The following TMEM272 variants were observed in gnomAD, a reference collection of about 807,000 sequenced individuals.
TMEM272 encodes the protein long intergenic non-protein coding RNA 282.
In TMEM272, 8 loss-of-function variants were observed where a neutral mutation model predicts 3.7. The observed-to-expected ratio is 2.17, with a 90% CI of 1.27 to 3.91. The LOEUF is 3.91. TMEM272 is among the 30% of genes most tolerant of loss of function. TMEM272 has a pLI of 0.00. For synonymous variants in TMEM272, 63 were observed against 39.8 expected, an observed-to-expected ratio of 1.58 and a Z score of -2.20; for missense variants, 166 against 91.5, an observed-to-expected ratio of 1.81 and a Z score of -3.32.
the TMEM272 span, among the ~76,000 whole-genome samples, chr13:51,852,192 C>T: frequency 5.9e-5 from 9 of 152,320 alleles, no homozygotes; most frequent in Non-Finnish European, 1.3e-4. Context: ...CCAGTTTGAT[C>T]GATGAGAAAT....
At chr13:51,883,923 T>G in the TMEM272 span, among the ~76,000 whole-genome samples, 4 of 152,174 alleles carry the variant, frequency 2.6e-5, no homozygotes, top group Admixed American at 6.5e-5. Flanking sequence ...CCAGCTTTCA[T>G]CCATTCTGCT....
chr13:51,828,702 A>C (rs1464692682), intron 2 of TMEM272, among the ~76,000 whole-genome samples: 1 of 152,202 alleles, frequency 6.6e-6, no homozygotes, highest in Non-Finnish European at 1.5e-5. Context: ...ATTGTAAGTG[A>C]AGTTGGACAG....
chr13:51,883,671 C>G, the TMEM272 span, among the ~76,000 whole-genome samples: 1 of 152,142 alleles, frequency 6.6e-6, no homozygotes, highest in Admixed American at 6.5e-5. Context: ...CTATCTGGGC[C>G]CGGCAGCTCG....
rs147445504 is a variant in TMEM272 at position 51,817,924 on chromosome 13, C to A, written c.202-811G>T. Among the ~76,000 whole-genome samples the A allele has an allele frequency of 1.6e-3, 242 of 152,304 alleles. 1 individual carries two copies. The highest frequency in any genetic ancestry group is 5.4e-3 in the African/African-American group (225 of 41,566). ...ACCCGACTCTAACTGGCCACAAATG[C>A]CTTTGTCACAGGGGAGCACACTTTC... On this transcript the variant is annotated intron_variant, in intron 4 of 4. Coordinates refer to ENST00000629372, the MANE Select transcript of TMEM272 (RefSeq NM_001351003.2).
the TMEM272 span, among the ~76,000 whole-genome samples, chr13:51,882,593 G>A: frequency 6.6e-6 from 1 of 152,084 alleles, no homozygotes; most frequent in Non-Finnish European, 1.5e-5. Context: ...CATGGGGGGT[G>A]AGGACAATTG....
the TMEM272 span, among the ~76,000 whole-genome samples, chr13:51,905,583 C>T: frequency 3.3e-5 from 5 of 152,226 alleles, no homozygotes; most frequent in Admixed American, 1.3e-4. Context: ...CTCGCAGCGG[C>T]GCGGTCGACC....
the TMEM272 span, chr13:51,861,991 T>C: frequency 1.3e-5 from 2 of 152,280 alleles, no homozygotes; most frequent in Non-Finnish European, 2.9e-5. Flanking sequence ...AAGTCAAAGA[T>C]TGAAGAGGAA....
chr13:51,844,108 T>C lies in TMEM272; in HGVS notation c.-24+908A>G, dbSNP rs146951349. Among the ~76,000 whole-genome samples, 78 of 150,836 alleles carry C rather than the reference T, an allele frequency of 5.2e-4. No homozygotes were observed. The East Asian group carries it at 0.01, about 20-fold the overall frequency. On this transcript the variant is annotated intron_variant, in intron 1 of 4. Coordinates refer to ENST00000629372, the MANE Select transcript of TMEM272 (RefSeq NM_001351003.2). Reference sequence around the variant, plus strand: ...CAATAGGACTAGGTCTGAGAAACTTTCTATGTCTGTCTAACATTCCCAGTT... The same window carrying C: ...CAATAGGACTAGGTCTGAGAAACTTCCTATGTCTGTCTAACATTCCCAGTT...
chr13:51,912,489 G>A, the TMEM272 span, among the ~76,000 whole-genome samples: 4,696 of 152,302 alleles, frequency 0.031, 252 homozygotes, highest in African/African-American at 0.11. Flanking sequence ...GGACTGGAGA[G>A]AGGGTTTATG....
At chr13:51,871,785 TAC>T in the TMEM272 span, among the ~76,000 whole-genome samples, 4,757 of 129,494 alleles carry the variant, frequency 0.037, 98 homozygotes, top group East Asian at 0.068. Flanking sequence ...AATCTCCCCC[TAC>T]ACACACACAC....
At chr13:51,872,439 C>T in the TMEM272 span, among the ~76,000 whole-genome samples, 5 of 152,174 alleles carry the variant, frequency 3.3e-5, no homozygotes, top group South Asian at 8.3e-4. Flanking sequence ...GTTCCATCCT[C>T]CACACACTGA....
chr13:51,869,520 C>T, the TMEM272 span, among the ~76,000 whole-genome samples: 2,926 of 149,118 alleles, frequency 0.02, 100 homozygotes, highest in African/African-American at 0.069. Flanking sequence ...GATGGAGTCT[C>T]GCCCTGTCGC....
At chr13:51,897,836 A>AAAATC in the TMEM272 span, among the ~76,000 whole-genome samples, 18 of 148,508 alleles carry the variant, frequency 1.2e-4, no homozygotes, top group Middle Eastern at 3.6e-3. Context: ...CTGAGGCAAG[A>AAAATC]AAATCACTTG....
At chr13:51,930,835 T>C in the TMEM272 span, among the ~76,000 whole-genome samples, 1 of 151,998 alleles carries the variant, frequency 6.6e-6, no homozygotes, top group African/African-American at 2.4e-5. Flanking sequence ...GCTGGATTTA[T>C]AAAAAATAAG....
the TMEM272 span, among the ~76,000 whole-genome samples, chr13:51,913,017 T>C: frequency 6.6e-6 from 1 of 152,204 alleles, no homozygotes; most frequent in Non-Finnish European, 1.5e-5. Context: ...ATTTCACAGC[T>C]TCACCACTTC....
chr13:51,878,190 G>C, the TMEM272 span, among the ~76,000 whole-genome samples: 3 of 152,146 alleles, frequency 2.0e-5, no homozygotes, highest in South Asian at 6.2e-4. Flanking sequence ...CAGCACTTTG[G>C]GAGGCCGAGG....
chr13:51,898,469 C>T, the TMEM272 span, among the ~76,000 whole-genome samples: 4 of 151,654 alleles, frequency 2.6e-5, no homozygotes, highest in Non-Finnish European at 4.4e-5. Context: ...AAATGGGCAA[C>T]TGACTTATGG....
At chr13:51,835,079 A>T (rs1443510399) in intron 2 of TMEM272, among the ~76,000 whole-genome samples, 3 of 152,096 alleles carry the variant, frequency 2.0e-5, no homozygotes, top group Non-Finnish European at 2.9e-5. Context: ...TACTCCCTGG[A>T]TGAACGCCCA....
chr13:51,896,400 A>G, the TMEM272 span, among the ~76,000 whole-genome samples: 1 of 149,528 alleles, frequency 6.7e-6, no homozygotes, highest in Admixed American at 6.6e-5. Context: ...AAGTTTTCTT[A>G]TCATTTCAGA....
Sources: gnomAD v4.1 joint callset for allele counts (sites outside exome capture counted in the v4.1 genomes callset) on GRCh38, gnomAD v4.1.1 for gene constraint, MANE v1.5 for transcripts, NCBI Gene and HGNC (gene_info 2026-07-23, HGNC 2026-07-21) for gene names.